Variants in CATSPER4 observed in about 807,000 individuals in gnomAD.
CATSPER4 encodes cation channel sperm associated 4, also known as cation channel sperm-associated protein 4.
A neutral mutation model predicts 54.4 loss-of-function variants in CATSPER4; 46 were observed. The observed-to-expected ratio is 0.84, with a 90% CI of 0.67 to 1.08. CATSPER4 has a LOEUF of 1.08. Among genes scored for constraint, CATSPER4 ranks in the 50% least tolerant of loss-of-function variants. CATSPER4 has a pLI of 0.00. For synonymous variants in CATSPER4, 230 were observed against 231.9 expected, an observed-to-expected ratio of 0.99 and a Z score of 0.08; for missense variants, 574 against 612.8, an observed-to-expected ratio of 0.94 and a Z score of 0.67.
intron 2 of CATSPER4, 47 bp from the exon 3 acceptor site, chr1:26,193,740 G>A (rs1304305137): frequency 2.3e-6 from 3 of 1,300,390 alleles, no homozygotes; most frequent in Non-Finnish European, 3.4e-6. Context: ...CCCAGGCCCT[G>A]CTCCACTGAC....
rs779796240 is a variant in CATSPER4 at position 26,193,891 on chromosome 1, G to A, written c.459+3G>A. On this transcript the variant is annotated splice_donor_region_variant and intron_variant, in intron 3 of 9. Transcript: ENST00000456354. ...ATGGCTTCTGGATTTTCTGGAAGGT[G>A]AGATCCTGAGCCCTTTGCCCCTACT... 3.7e-6 allele frequency: 6 copies of A among 1,609,010 alleles called. No individual in the cohort carries two copies. In the Admixed American group the frequency reaches 8.3e-5, roughly 22 times the overall value.
rs557994261 is a variant in CATSPER4, at chr1:26,193,924, G to A, written c.459+36G>A. 2.4e-5 allele frequency: 34 copies of A among 1,434,200 alleles called. No homozygotes were observed. The African/African-American group carries it at 4.1e-4, about 17-fold the overall frequency. 88.8% of individuals were successfully genotyped at this position (1,434,200 alleles called of 1,614,324 possible). ...GAGCCCTTTGCCCCTACTTCCCCCT[G>A]GGGACTGCACACCACCCAGTCTGCC... On this transcript the variant is annotated intron_variant, in intron 3 of 9. Transcript: ENST00000456354.
chr1:26,200,615 T>C (rs1184924124), intron 7 of CATSPER4, among the ~76,000 whole-genome samples: 2 of 151,778 alleles, frequency 1.3e-5, no homozygotes, highest in East Asian at 3.9e-4. Flanking sequence ...AATTTTGAAA[T>C]GGGGTGAGAA....
At chr1:26,194,659 T>C (rs2088910028) in intron 3 of CATSPER4, among the ~76,000 whole-genome samples, 1 of 152,228 alleles carries the variant, frequency 6.6e-6, no homozygotes, top group African/African-American at 2.4e-5. Context: ...GCTGAATTGA[T>C]ATATGGATGG....
At chr1:26,194,119 C>A (rs1044310335) in intron 3 of CATSPER4, among the ~76,000 whole-genome samples, 3 of 152,238 alleles carry the variant, frequency 2.0e-5, no homozygotes, top group Non-Finnish European at 4.4e-5. Context: ...GCTCTGTAGT[C>A]TTGGACAAAC....
At chr1:26,193,763 C>G (rs1557629703) in intron 2 of CATSPER4, 24 bp from the exon 3 acceptor site, 1 of 1,550,040 alleles carries the variant, frequency 6.5e-7, no homozygotes, top group East Asian at 2.2e-5. Flanking sequence ...CTCTGCCCCT[C>G]TTTTTTCTCT....
In CATSPER4 at chr1:26,202,569, TGC is replaced by T. The variant is rs1491476404; in HGVS notation, c.*28_*29del. On this transcript the variant is annotated 3_prime_UTR_variant, in exon 10 of 10. Coordinates refer to ENST00000456354, the MANE Select transcript of CATSPER4 (RefSeq NM_198137.2). Reference sequence around the variant, plus strand: ...AGGCCAGGATGGGAGCCAAGGGGCCTGCACACACACACCCAGCCGCTGCGTCT... The same window carrying T: ...AGGCCAGGATGGGAGCCAAGGGGCCTACACACACACCCAGCCGCTGCGTCT... 1.0e-5 allele frequency: 16 copies of T among 1,598,636 alleles called. No individual in the cohort carries two copies. Among genetic ancestry groups the T allele is most frequent in the Admixed American group, 1.7e-5 (1 of 58,920 alleles).
chr1:26,201,209 C>A, intron 8 of CATSPER4, 145 bp from the exon 9 acceptor site: 1 of 998,988 alleles, frequency 1.0e-6, no homozygotes, highest in Non-Finnish European at 1.5e-6. Context: ...CAGGTTCCTT[C>A]CATCTCACAC....
rs1018899100 is a variant in CATSPER4 at position 26,200,850 on chromosome 1, G to C, written c.1008G>C (p.Glu336Asp). 1 of 1,614,034 alleles carries C rather than the reference G, an allele frequency of 6.2e-7. No homozygotes were observed. The highest frequency in any genetic ancestry group is 1.7e-5 in the Admixed American group (1 of 60,030). ...CCCAGACAGGCGCAGAGGAAGAGGAGGAGAATGACCAGCTGCCACTGGTGC... is the reference window on the plus strand; with the variant it reads ...CCCAGACAGGCGCAGAGGAAGAGGACGAGAATGACCAGCTGCCACTGGTGC... The part of the protein sequence containing the change: ...TFSETGAEEE[E>D]ENDQLPLVHC... Residue 336 changes from glutamate (E) to aspartate (D), a missense_variant, in exon 8 of 10, where the codon GAG becomes GAC. Physicochemically the swap from Glu to Asp is conservative, Grantham distance 45. Coordinates refer to ENST00000456354, the MANE Select transcript of CATSPER4 (RefSeq NM_198137.2).
Position 26,201,416 on chromosome 1 carries a change from G to C in CATSPER4, c.1262G>C (p.Arg421Thr). 6.2e-7 allele frequency: 1 copy of C among 1,614,158 alleles called. No individual in the cohort carries two copies. Among genetic ancestry groups the C allele is most frequent in the Non-Finnish European group, 8.5e-7 (1 of 1,180,000 alleles). ...GAGCAGGAGTCAGAGGTGTTGAACAGGCGCTCGTCGACGAGCGGGTCGTTG... is the reference window on the plus strand; with the variant it reads ...GAGCAGGAGTCAGAGGTGTTGAACACGCGCTCGTCGACGAGCGGGTCGTTG... ...NQEQESEVLN[R>T]RSSTSGSLET... is the part of the protein sequence containing the mutation. The change falls in exon 9 of 10, where the codon AGG becomes ACG. Residue 421 changes from arginine (R) to threonine (T), a missense_variant. By Grantham distance (71) the Arg-to-Thr change is moderately conservative. Transcript: ENST00000456354.
intron 7 of CATSPER4, among the ~76,000 whole-genome samples, chr1:26,200,450 T>C (rs554191118): frequency 1.3e-4 from 20 of 152,088 alleles, no homozygotes; most frequent in Non-Finnish European, 2.4e-4. Context: ...TTAGCTACGG[T>C]ATTATTCATT....
rs748764690 is a variant in CATSPER4, at chr1:26,191,412, C to T, written c.339C>T (p.Thr113=). 1.9e-6 allele frequency: 3 copies of T among 1,614,204 alleles called. No individual in the cohort carries two copies. In the South Asian group the frequency reaches 3.3e-5, roughly 18 times the overall value. Residue 113 remains threonine, a synonymous_variant, in exon 2 of 10, where the codon ACC becomes ACT. Coordinates refer to ENST00000456354, the MANE Select transcript of CATSPER4 (RefSeq NM_198137.2). ...ATGCCATCACCATCGCTCTCCGTAC[C>T]AACTCCTACCTGGACCAGGTGGGAT... The part of the protein sequence containing the change: ...VINAITIALR[T]NSYLDQKHYE...
intron 7 of CATSPER4, among the ~76,000 whole-genome samples, chr1:26,200,520 G>A (rs1444654382): frequency 6.6e-6 from 1 of 152,112 alleles, no homozygotes; most frequent in Non-Finnish European, 1.5e-5. Context: ...AGAGTGGAGT[G>A]CTGGAGGCCT....
chr1:26,201,615 C>G (rs746553858), intron 9 of CATSPER4, 96 bp downstream of exon 9: 5 of 1,243,228 alleles, frequency 4.0e-6, no homozygotes, highest in Non-Finnish European at 5.9e-6. Context: ...AAGTTTCTGT[C>G]TATTCCAAGA....
At chr1:26,202,444 A>G (rs1321111076) in intron 9 of CATSPER4, 45 bp from the exon 10 acceptor site, 3 of 1,567,684 alleles carry the variant, frequency 1.9e-6, no homozygotes, top group Admixed American at 1.7e-5. Flanking sequence ...AGGCTGCCAT[A>G]TCGGGGGGAG....
chr1:26,196,960 T>G (rs1245841393), intron 3 of CATSPER4, among the ~76,000 whole-genome samples: 2 of 147,774 alleles, frequency 1.4e-5, no homozygotes, highest in Admixed American at 6.9e-5. Context: ...CAGGCTGGAG[T>G]GCAGTGGCGC....
At chr1:26,191,553 T>A in intron 2 of CATSPER4, 123 bp downstream of exon 2, 1 of 1,141,354 alleles carries the variant, frequency 8.8e-7, no homozygotes, top group Non-Finnish European at 1.3e-6. Flanking sequence ...CAAGGGTCTG[T>A]CAGCTCTGAC....
In CATSPER4 at chr1:26,199,893, G is replaced by A; in HGVS notation, c.822G>A (p.Lys274=). ...TGCCTGCCATCTGCAGGACAGAGAA[G>A]AGGGAATATGCAATGGAGATTGGGG... ...VDIYSDFQTE[K]REYAMEIGGA... is the part of the protein sequence containing the mutation. Residue 274 remains lysine, a synonymous_variant, in exon 7 of 10, where the codon AAG becomes AAA. Coordinates refer to ENST00000456354, the MANE Select transcript of CATSPER4 (RefSeq NM_198137.2). 3 of 1,614,152 alleles carry A rather than the reference G, an allele frequency of 1.9e-6. No individual in the cohort carries two copies. The highest frequency in any genetic ancestry group is 2.5e-6 in the Non-Finnish European group (3 of 1,180,038).
Position 26,197,756 on chromosome 1 carries a change from A to G in CATSPER4, c.530A>G (p.Asn177Ser). Residue 177 changes from asparagine (N) to serine (S), a missense_variant, in exon 4 of 10, where the codon AAT (asparagine) becomes AGT (serine). Physicochemically the swap from Asn to Ser is conservative, Grantham distance 46 (BLOSUM62 1). Transcript: ENST00000456354. ...LLLRFFINEI[N>S]IPSINYTLRA... ...TTGCGGTTCTTCATTAATGAAATCA[A>G]TATTCCCTCCATCAACTACACTCTC... 3 of 1,613,938 alleles carry G rather than the reference A, an allele frequency of 1.9e-6. No homozygotes were observed. Among genetic ancestry groups the G allele is most frequent in the Non-Finnish European group, 2.5e-6 (3 of 1,179,840 alleles).
Sources: gnomAD v4.1 joint callset for allele counts (sites outside exome capture counted in the v4.1 genomes callset) on GRCh38, gnomAD v4.1.1 for gene constraint, MANE v1.5 for transcripts, NCBI Gene and HGNC (gene_info 2026-07-23, HGNC 2026-07-21) for gene names.